The following SDHAF2 variants were observed in gnomAD, a reference collection of about 807,000 sequenced individuals.
SDHAF2 encodes the protein succinate dehydrogenase complex assembly factor 2.
SDHAF2 carries 21 observed loss-of-function variants against 18.5 expected under a neutral mutation model. The ratio of observed to expected loss-of-function variants is 1.13; its 90% CI spans 0.80 to 1.63. The LOEUF (loss-of-function observed/expected upper bound fraction) is 1.63. Among genes scored for constraint, SDHAF2 ranks in the 40% most tolerant of loss-of-function variants. The pLI is 0.00. For synonymous variants in SDHAF2, 84 were observed against 70.7 expected (o/e 1.19, Z -0.94); for missense variants, 195 against 200.3 (o/e 0.97, Z 0.16).
intron 1 of SDHAF2, chr11:61,434,076 T>G (rs1189799591): frequency 2.6e-5 from 4 of 152,250 alleles, no homozygotes; most frequent in South Asian, 4.1e-4. Flanking sequence ...GACAGTTTGA[T>G]TAAAATACGT....
intron 1 of SDHAF2, chr11:61,434,577 A>G (rs1004575358): frequency 2.7e-5 from 3 of 111,270 alleles, no homozygotes. Context: ...GGCTTTCTTC[A>G]CTCCTTCTCA....
At position 61,436,869 on chromosome 11, in the gene SDHAF2, T is replaced by C. The variant is rs1024031466; in HGVS notation, c.37-756T>C. Reference sequence around the variant, plus strand: ...TCTTGCTGAGGTCACCACCTTGACATCATATCTTGATAAGTTGTCAACTTC... The same window carrying C: ...TCTTGCTGAGGTCACCACCTTGACACCATATCTTGATAAGTTGTCAACTTC... On this transcript the variant is annotated intron_variant, in intron 1 of 3. Coordinates refer to ENST00000301761, the MANE Select transcript of SDHAF2 (RefSeq NM_017841.4). 7 of 1,288,364 alleles carry C rather than the reference T, an allele frequency of 5.4e-6. No homozygotes were observed. In the African/African-American group the frequency reaches 9.1e-5, roughly 17 times the overall value. 79.8% of individuals were successfully genotyped at this position (1,288,364 alleles called of 1,614,324 possible). A position where few individuals can be genotyped will look rare whatever the true frequency, so the allele number is the denominator to read the frequency against.
intron 1 of SDHAF2, chr11:61,435,454 G>C (rs564914260): frequency 6.6e-6 from 1 of 152,172 alleles, no homozygotes; most frequent in African/African-American, 2.4e-5. Flanking sequence ...CTTTATTCAT[G>C]TGCTTGGTAA....
At chr11:61,432,192 G>A (rs2860196) in intron 1 of SDHAF2, 129,707 of 152,096 alleles carry the variant, frequency 0.85, 55,401 homozygotes, top group East Asian at 0.98. Flanking sequence ...TCAAGGCTGC[G>A]GTGAGCCTTG....
intron 1 of SDHAF2, 65 bp from the exon 2 acceptor site, chr11:61,437,559 AT>A: frequency 7.5e-7 from 1 of 1,339,378 alleles, no homozygotes; most frequent in South Asian, 1.2e-5. Context: ...CCTAGTAAGC[AT>A]TGAGTAAATG....
At position 61,437,623 on chromosome 11, in the gene SDHAF2, A is replaced by G. The variant is rs1344681005; in HGVS notation, c.37-2A>G. On this transcript the variant is annotated splice_acceptor_variant, in intron 1 of 3. Coordinates refer to ENST00000301761, the MANE Select transcript of SDHAF2 (RefSeq NM_017841.4). LOFTEE classifies it high-confidence loss of function. Reference sequence around the variant, plus strand: ...AAGATGTTTGTGGTTTGTTCATTTCAGATGCTTGCTCTGTCAAGGCACAGC... The same window carrying G: ...AAGATGTTTGTGGTTTGTTCATTTCGGATGCTTGCTCTGTCAAGGCACAGC... The G allele has an allele frequency of 6.2e-7, 1 of 1,612,298 alleles. No individual in the cohort carries two copies. The highest frequency in any genetic ancestry group is 1.3e-5 in the African/African-American group (1 of 74,900).
chr11:61,438,409 G>T, intron 3 of SDHAF2: 1 of 487,884 alleles, frequency 2.0e-6, no homozygotes, highest in Non-Finnish European at 3.6e-6. Flanking sequence ...GTGTTGGTCA[G>T]GCTAGTCTCG....
intron 1 of SDHAF2, chr11:61,432,549 G>A (rs1214276507): frequency 6.6e-6 from 1 of 152,158 alleles, no homozygotes. Context: ...TTGGTTGAGT[G>A]TGCAGTTGGT....
chr11:61,433,334 G>C (rs903679811), intron 1 of SDHAF2: 4 of 152,098 alleles, frequency 2.6e-5, no homozygotes, highest in Non-Finnish European at 5.9e-5. Context: ...CACCGCACCC[G>C]GCCTCCAGTG....
chr11:61,431,749 T>G (rs1214133438), intron 1 of SDHAF2: 1 of 152,168 alleles, frequency 6.6e-6, no homozygotes, highest in Non-Finnish European at 1.5e-5. Flanking sequence ...CAGGTTGGAG[T>G]GCAGTGGCAT....
chr11:61,434,159 C>T (rs1861965931), intron 1 of SDHAF2: 1 of 151,266 alleles, frequency 6.6e-6, no homozygotes, highest in Admixed American at 6.6e-5. Flanking sequence ...CACTTCTTTC[C>T]CCAACTTTGG....
chr11:61,436,611 G>T, intron 1 of SDHAF2: 1 of 335,460 alleles, frequency 3.0e-6, no homozygotes, highest in Non-Finnish European at 5.9e-6. Flanking sequence ...GAAGCTAGGA[G>T]CTGGGGGTTA....
At chr11:61,435,551 T>G (rs550318892) in intron 1 of SDHAF2, 7 of 152,348 alleles carry the variant, frequency 4.6e-5, no homozygotes, top group Non-Finnish European at 1.0e-4. Flanking sequence ...TCAGCATGGA[T>G]AGAGATTCCA....
chr11:61,446,276 C>A lies in SDHAF2; in HGVS notation c.*205C>A. 1 of 644,752 alleles carries A rather than the reference C, an allele frequency of 1.6e-6. No individual in the cohort carries two copies. Among genetic ancestry groups the A allele is most frequent in the Non-Finnish European group, 2.7e-6 (1 of 363,862 alleles). 39.9% of individuals were successfully genotyped at this position (644,752 alleles called of 1,614,324 possible). On this transcript the variant is annotated 3_prime_UTR_variant, in exon 4 of 4. Coordinates refer to ENST00000301761, the MANE Select transcript of SDHAF2 (RefSeq NM_017841.4). ...CATTCTCATACTTTTTTGTTCAGCT[C>A]TGAGCCTCAAAAGTGATTTGTCAGC...
chr11:61,446,566 G>A lies in SDHAF2; in HGVS notation c.*495G>A. ...CTTCTGCGAAGGGAAGCTGATCCCA[G>A]CCTCCTGAGCTGAATCCTTCAAAGG... On this transcript the variant is annotated 3_prime_UTR_variant, in exon 4 of 4. Transcript: ENST00000301761. 2.2e-6 allele frequency: 1 copy of A among 457,544 alleles called. No individual in the cohort carries two copies. The highest frequency in any genetic ancestry group is 6.3e-5 in the South Asian group (1 of 15,818). 28.3% of individuals were successfully genotyped at this position (457,544 alleles called of 1,614,324 possible). A position where few individuals can be genotyped will look rare whatever the true frequency, so the allele number is the denominator to read the frequency against.
chr11:61,437,794 G>T lies in SDHAF2; in HGVS notation c.206G>T (p.Arg69Leu), dbSNP rs753474292. Residue 69 changes from arginine (R) to leucine (L), a missense_variant, in exon 2 of 4, where the codon CGC becomes CTC. Coordinates refer to ENST00000301761, the MANE Select transcript of SDHAF2 (RefSeq NM_017841.4). ...TDESIETKRA[R>L]LLYESRKRGM... ...GAATCCATAGAAACCAAAAGAGCCC[G>T]CCTGCTCTATGAGAGCAGAAAGAGG... 2 of 1,614,070 alleles carry T rather than the reference G, an allele frequency of 1.2e-6. No individual in the cohort carries two copies. The highest frequency in any genetic ancestry group is 1.7e-6 in the Non-Finnish European group (2 of 1,180,012).
At chr11:61,444,418 G>C (rs1862111418) in intron 3 of SDHAF2, 1 of 152,254 alleles carries the variant, frequency 6.6e-6, no homozygotes, top group African/African-American at 2.4e-5. Context: ...ACATAAGGCT[G>C]GCCCTGTCTG....
rs768896122 is a variant in SDHAF2, at chr11:61,437,865, CT to C, written c.260+26del. On this transcript the variant is annotated intron_variant, in intron 2 of 3. Transcript: ENST00000301761. The stretch of plus-strand genomic sequence containing the variant: ...TCTTCTTAGGTATGGGACTAGGAGT[CT>C]TTTTTTTTAAATCGGGCAGCTTCCT... The C allele has an allele frequency of 1.0e-4, 160 of 1,596,030 alleles. No homozygotes were observed. The highest frequency in any genetic ancestry group is 1.1e-4 in the Non-Finnish European group (128 of 1,166,360).
At chr11:61,439,715 A>G (rs994140852) in intron 3 of SDHAF2, among the ~76,000 whole-genome samples, 1 of 152,186 alleles carries the variant, frequency 6.6e-6, no homozygotes, top group African/African-American at 2.4e-5. Flanking sequence ...TTACAGAACA[A>G]GTTTGCCCTG....
Sources: allele counts gnomAD v4.1 joint callset (sites outside exome capture counted in the v4.1 genomes callset), GRCh38; gene constraint gnomAD v4.1.1; transcripts MANE v1.5; gene names NCBI Gene and HGNC (gene_info 2026-07-23, HGNC 2026-07-21).